CCDC28A: variants seen among roughly 807,000 people sequenced by gnomAD.
CCDC28A encodes coiled-coil domain containing 28A.
A neutral mutation model predicts 22.1 loss-of-function variants in CCDC28A; 24 were observed. The observed-to-expected ratio is 1.09, with a 90% CI of 0.79 to 1.53. CCDC28A has a LOEUF of 1.53. Among genes scored for constraint, CCDC28A ranks in the 40% most tolerant of loss-of-function variants. The pLI, the probability that CCDC28A is intolerant of heterozygous loss-of-function variation, is 0.00. For synonymous variants in CCDC28A, 83 were observed against 74.7 expected (o/e 1.11, Z -0.57); for missense variants, 170 against 210.7 (o/e 0.81, Z 1.20).
chr6:138,774,258 C>T (rs928478880), intron 1 of CCDC28A, among the ~76,000 whole-genome samples: 1 of 152,172 alleles, frequency 6.6e-6, no homozygotes, highest in African/African-American at 2.4e-5. Context: ...TAGACCACCA[C>T]TGGTTTATTT....
intron 3 of CCDC28A, among the ~76,000 whole-genome samples, chr6:138,783,202 A>G (rs1451878034): frequency 6.6e-6 from 1 of 151,094 alleles, no homozygotes; most frequent in African/African-American, 2.4e-5. Context: ...ATTTTTATTT[A>G]TATTTCTTAA....
intron 2 of CCDC28A, among the ~76,000 whole-genome samples, chr6:138,778,144 T>G (rs576693489): frequency 2.0e-5 from 3 of 152,350 alleles, no homozygotes; most frequent in African/African-American, 7.2e-5. Context: ...AGTCTCTTTC[T>G]TGTATCCCCC....
At chr6:138,790,294 G>T (rs892551132) in intron 5 of CCDC28A, among the ~76,000 whole-genome samples, 1 of 152,062 alleles carries the variant, frequency 6.6e-6, no homozygotes, top group South Asian at 2.1e-4. Context: ...GGGATTACAG[G>T]TACCTGTCAC....
intron 5 of CCDC28A, 148 bp from the exon 6 acceptor site, chr6:138,792,601 T>G: frequency 1.6e-6 from 1 of 641,252 alleles, no homozygotes; most frequent in South Asian, 1.7e-5. Context: ...TTACCACATC[T>G]GAGTGTCTCA....
intron 4 of CCDC28A, among the ~76,000 whole-genome samples, chr6:138,787,784 C>A (rs1160269133): frequency 6.6e-6 from 1 of 152,000 alleles, no homozygotes; most frequent in East Asian, 1.9e-4. Flanking sequence ...CTCCCCTCAG[C>A]CTTCCAAAGT....
chr6:138,780,358 C>T (rs1377349159), intron 3 of CCDC28A, among the ~76,000 whole-genome samples: 1 of 152,080 alleles, frequency 6.6e-6, no homozygotes, highest in Non-Finnish European at 1.5e-5. Context: ...AAACTTGTTT[C>T]TTGCCTGGGA....
chr6:138,775,621 T>C (rs1327151943), intron 1 of CCDC28A, among the ~76,000 whole-genome samples: 1 of 152,248 alleles, frequency 6.6e-6, no homozygotes, highest in Non-Finnish European at 1.5e-5. Flanking sequence ...TTGAATCTAC[T>C]TGGTTCTTCT....
chr6:138,792,732 T>C lies in CCDC28A; in HGVS notation c.501-17T>C. The C allele has an allele frequency of 6.5e-7, 1 of 1,544,666 alleles. No individual in the cohort carries two copies. On this transcript the variant is annotated splice_polypyrimidine_tract_variant and intron_variant, in intron 5 of 5. Transcript: ENST00000617445. ...TACCCCTTATAGAATGAAAATCTTC[T>C]TAACTGATTAATTCAGACAAAAACT...
rs1215403468 is a variant in CCDC28A at position 138,785,314 on chromosome 6, T to A, written c.410T>A (p.Leu137Ter). The A allele has an allele frequency of 6.2e-7, 1 of 1,613,318 alleles. No individual in the cohort carries two copies. Among genetic ancestry groups the A allele is most frequent in the African/African-American group, 1.3e-5 (1 of 74,994 alleles). ...ARLNLELYGE[L>*]EELPEDKRKT... Reference sequence around the variant, plus strand: ...TTGAATTTGGAGCTCTATGGGGAGTTAGAGGAACTTCCTGAGGATAAGAGA... The same window carrying A: ...TTGAATTTGGAGCTCTATGGGGAGTAAGAGGAACTTCCTGAGGATAAGAGA... Residue 137 changes from leucine (L) to a stop codon, truncating the protein, a stop_gained, in exon 4 of 6, where the codon TTA becomes TAA. Transcript: ENST00000617445. LOFTEE classifies it high-confidence loss of function.
At chr6:138,775,972 C>T (rs1278381059) in intron 1 of CCDC28A, 107 bp from the exon 2 acceptor site, 4 of 884,332 alleles carry the variant, frequency 4.5e-6, no homozygotes, top group African/African-American at 3.4e-5. Context: ...TCTCTTATGC[C>T]CTCTGGAATT....
At chr6:138,783,582 C>T (rs1455729472) in intron 3 of CCDC28A, among the ~76,000 whole-genome samples, 6 of 151,954 alleles carry the variant, frequency 3.9e-5, no homozygotes, top group Admixed American at 6.6e-5. Context: ...GGACTACAGG[C>T]GCCCACCACC....
intron 3 of CCDC28A, among the ~76,000 whole-genome samples, chr6:138,783,876 CTTTT>C (rs577197452): frequency 8.0e-6 from 1 of 125,456 alleles, no homozygotes; most frequent in Non-Finnish European, 1.7e-5. Context: ...AGCCAGAACT[CTTTT>C]TTTTTTTTTT....
At position 138,785,285 on chromosome 6, in the gene CCDC28A, T is replaced by C. The variant is rs778140975; in HGVS notation, c.381T>C (p.Ala127=). The stretch of plus-strand genomic sequence containing the variant: ...TTCGGGGAATGCAGGAGAAATTAGC[T>C]CGCTTGAATTTGGAGCTCTATGGGG... ...EHVRGMQEKL[A]RLNLELYGEL... The change falls in exon 4 of 6, where the codon GCT becomes GCC. Residue 127 remains alanine (A), a synonymous_variant. Coordinates refer to ENST00000617445, the MANE Select transcript of CCDC28A (RefSeq NM_015439.3). The C allele has an allele frequency of 6.2e-7, 1 of 1,613,490 alleles. No individual in the cohort carries two copies. Among genetic ancestry groups the C allele is most frequent in the Non-Finnish European group, 8.5e-7 (1 of 1,179,578 alleles).
intron 2 of CCDC28A, among the ~76,000 whole-genome samples, chr6:138,778,888 C>G (rs1293946306): frequency 6.6e-6 from 1 of 151,988 alleles, no homozygotes; most frequent in Non-Finnish European, 1.5e-5. Context: ...CTGCCTCAGC[C>G]TCCCAAGTAG....
chr6:138,785,388 G>A lies in CCDC28A; in HGVS notation c.477+7G>A, dbSNP rs766119341. Reference sequence around the variant, plus strand: ...GGATAGGCTTCTGTCAGATGTAAGTGTAATTCTTTTTCTTTGTTCTTTAAA... The same window carrying A: ...GGATAGGCTTCTGTCAGATGTAAGTATAATTCTTTTTCTTTGTTCTTTAAA... On this transcript the variant is annotated splice_region_variant and intron_variant, in intron 4 of 5. Coordinates refer to ENST00000617445, the MANE Select transcript of CCDC28A (RefSeq NM_015439.3). 2 of 1,587,016 alleles carry A rather than the reference G, an allele frequency of 1.3e-6. No individual in the cohort carries two copies. The highest frequency in any genetic ancestry group is 1.7e-6 in the Non-Finnish European group (2 of 1,170,334).
intron 1 of CCDC28A, among the ~76,000 whole-genome samples, chr6:138,774,816 T>C (rs571537370): frequency 6.6e-6 from 1 of 152,382 alleles, no homozygotes; most frequent in South Asian, 2.1e-4. Context: ...CTAATGTTTC[T>C]AGAAGGCAAT....
intron 2 of CCDC28A, 80 bp from the exon 3 acceptor site, chr6:138,779,741 AT>A (rs1316097780): frequency 9.2e-7 from 1 of 1,085,770 alleles, no homozygotes; most frequent in East Asian, 2.7e-5. Context: ...TTTAAGGGAA[AT>A]TCCATTTACT....
In CCDC28A at chr6:138,773,817, C is replaced by T. The variant is rs370730169; in HGVS notation, c.-128C>T. The T allele has an allele frequency of 1.9e-6, 3 of 1,614,074 alleles. No homozygotes were observed. The highest frequency in any genetic ancestry group is 2.5e-6 in the Non-Finnish European group (3 of 1,179,964). ...AGCGGGTCCCGGGATGTGACCGGGG[C>T]TCTGCTTGTGGCTGCGGCGGTGGCT... On this transcript the variant is annotated 5_prime_UTR_variant, in exon 1 of 6. Transcript: ENST00000617445.
rs181038522 is a variant in CCDC28A, at chr6:138,782,572, C to T, written c.322+2587C>T. 2.0e-4 allele frequency among the ~76,000 whole-genome samples: 30 copies of T among 152,284 alleles called. 1 individual carries two copies. The East Asian group carries it at 5.6e-3, about 28-fold the overall frequency. On this transcript the variant is annotated intron_variant, in intron 3 of 5. Transcript: ENST00000617445. ...CTCATCTTTTCCCATATGATTTCTA[C>T]CTCTTTATATTTTTACTGTACATTT...
Sources: gnomAD v4.1 joint callset for allele counts (sites outside exome capture counted in the v4.1 genomes callset) on GRCh38, gnomAD v4.1.1 for gene constraint, MANE v1.5 for transcripts, NCBI Gene and HGNC (gene_info 2026-07-23, HGNC 2026-07-21) for gene names.